Variants in GDAP2 observed in about 807,000 individuals in gnomAD.
GDAP2 encodes the protein ganglioside-induced differentiation-associated protein 2.
In GDAP2, 51 loss-of-function variants were observed where a neutral mutation model predicts 67.0. That is an observed-to-expected ratio of 0.76 (90% CI 0.61 to 0.96). The LOEUF (loss-of-function observed/expected upper bound fraction) is 0.96, where lower values mean the gene tolerates loss of function less well. Among genes scored for constraint, GDAP2 ranks in the 40% least tolerant of loss-of-function variants. GDAP2 has a pLI of 0.00. For missense variants in GDAP2, 547 were observed against 588.3 expected, an observed-to-expected ratio of 0.93 and a Z score of 0.73; for synonymous variants, 203 against 207.3, an observed-to-expected ratio of 0.98 and a Z score of 0.18.
chr1:117,897,290 T>C (rs570483347), intron 7 of GDAP2, among the ~76,000 whole-genome samples: 2 of 152,274 alleles, frequency 1.3e-5, no homozygotes, highest in African/African-American at 2.4e-5. Flanking sequence ...AGTAAATAGA[T>C]TGTATCTGGC....
intron 13 of GDAP2, among the ~76,000 whole-genome samples, chr1:117,875,408 G>A (rs1241911356): frequency 6.6e-6 from 1 of 152,230 alleles, no homozygotes; most frequent in Non-Finnish European, 1.5e-5. Flanking sequence ...ATGCAAGAGT[G>A]GTGGAGGCTT....
intron 13 of GDAP2, among the ~76,000 whole-genome samples, chr1:117,875,866 C>A (rs11590576): frequency 0.072 from 10,948 of 152,224 alleles, 512 homozygotes; most frequent in Middle Eastern, 0.11. Flanking sequence ...GCCTGTACAA[C>A]CATTATATCT....
At position 117,887,779 on chromosome 1, in the gene GDAP2, G is replaced by A. The variant is rs1431442856; in HGVS notation, c.954-5C>T. On this transcript the variant is annotated splice_region_variant and splice_polypyrimidine_tract_variant and intron_variant, in intron 8 of 13. Coordinates refer to ENST00000369443, the MANE Select transcript of GDAP2 (RefSeq NM_017686.4). ...TGACATAACCAGCGATTATAACTAG[G>A]GAAATAAATGATATAATCATTATAA... 4 of 1,455,490 alleles carry A rather than the reference G, an allele frequency of 2.7e-6. No individual in the cohort carries two copies. Among genetic ancestry groups the A allele is most frequent in the Middle Eastern group, 1.9e-4 (1 of 5,220 alleles). The allele number at this position is 1,455,490 out of a possible 1,614,324, so 90.2% of individuals were successfully genotyped here.
chr1:117,865,594 T>C lies in GDAP2; in HGVS notation c.*4975A>G, dbSNP rs1456274978. The C allele has an allele frequency of 6.6e-6, 1 of 151,708 alleles. No individual in the cohort carries two copies. The highest frequency in any genetic ancestry group is 1.5e-5 in the Non-Finnish European group (1 of 67,846). 9.4% of individuals were successfully genotyped at this position (151,708 alleles called of 1,614,324 possible). ...GTGTGCTTACGTTAACGAAACACAT[T>C]ACAAAAAAAAAAGGTATGACTGTGT... is the stretch of plus-strand genomic sequence containing the variant. On this transcript the variant is annotated 3_prime_UTR_variant, in exon 14 of 14. Transcript: ENST00000369443.
rs560679476 is a variant in GDAP2 at position 117,870,429 on chromosome 1, C to T, written c.*140G>A. On this transcript the variant is annotated 3_prime_UTR_variant, in exon 14 of 14. Transcript: ENST00000369443. Reference sequence around the variant, plus strand: ...GATTGCTTATGTGCCAGAAAATATACAGTCAATAAAAAAATACCAGAGAGG... The same window carrying T: ...GATTGCTTATGTGCCAGAAAATATATAGTCAATAAAAAAATACCAGAGAGG... 14 of 664,834 alleles carry T rather than the reference C, an allele frequency of 2.1e-5. No individual in the cohort carries two copies. The African/African-American group carries it at 2.6e-4, about 12-fold the overall frequency. 41.2% of individuals were successfully genotyped at this position (664,834 alleles called of 1,614,324 possible).
chr1:117,906,436 A>T, intron 6 of GDAP2, 70 bp downstream of exon 6: 1 of 790,772 alleles, frequency 1.3e-6, no homozygotes, highest in Non-Finnish European at 2.1e-6. Context: ...GTAAATATGT[A>T]GTGACAAGCC....
chr1:117,879,492 T>C (rs1648578857), intron 12 of GDAP2, among the ~76,000 whole-genome samples: 2 of 152,158 alleles, frequency 1.3e-5, no homozygotes, highest in South Asian at 4.1e-4. Context: ...ATGATGATGA[T>C]GATAATGACA....
At chr1:117,876,354 A>G (rs768214946) in intron 13 of GDAP2, among the ~76,000 whole-genome samples, 31 of 152,146 alleles carry the variant, frequency 2.0e-4, no homozygotes, top group Non-Finnish European at 4.1e-4. Flanking sequence ...GAGTGGAAGC[A>G]GCCTGAGTCC....
rs1648038110 is a variant in GDAP2 at position 117,865,862 on chromosome 1, A to G, written c.*4707T>C. On this transcript the variant is annotated 3_prime_UTR_variant, in exon 14 of 14. Coordinates refer to ENST00000369443, the MANE Select transcript of GDAP2 (RefSeq NM_017686.4). ...AAATGATCTTGATACCATCTGTTTA[A>G]GGACTAGTTCAGTAAGACTCAAAGA... 1 of 152,240 alleles carries G rather than the reference A, an allele frequency of 6.6e-6. No individual in the cohort carries two copies. Among genetic ancestry groups the G allele is most frequent in the Admixed American group, 6.5e-5 (1 of 15,280 alleles). The allele number at this position is 152,240 out of a possible 1,614,324, so 9.4% of individuals were successfully genotyped here. A position where few individuals can be genotyped will look rare whatever the true frequency, so the allele number is the denominator to read the frequency against.
chr1:117,926,429 T>C (rs1650448685), intron 1 of GDAP2, among the ~76,000 whole-genome samples: 1 of 152,234 alleles, frequency 6.6e-6, no homozygotes, highest in Admixed American at 6.5e-5. Context: ...CACAAGATAT[T>C]GGATGTTAAA....
intron 1 of GDAP2, among the ~76,000 whole-genome samples, chr1:117,927,118 C>A (rs957265842): frequency 2.0e-5 from 3 of 152,058 alleles, no homozygotes; most frequent in African/African-American, 7.2e-5. Context: ...ATATGATCTT[C>A]AGTACTTTAG....
At chr1:117,880,365 T>C (rs74113075) in intron 12 of GDAP2, among the ~76,000 whole-genome samples, 3,705 of 152,188 alleles carry the variant, frequency 0.024, 149 homozygotes, top group African/African-American at 0.083. Context: ...GAGAGAAAAG[T>C]GTCTATTAGA....
rs569193451 is a variant in GDAP2 at position 117,899,049 on chromosome 1, G to C, written c.796+8C>G. On this transcript the variant is annotated splice_region_variant and intron_variant, in intron 7 of 13. Transcript: ENST00000369443. ...GGAGATTTAAAAAGTTAGAGCTCTAGAACTCACCTTCTGGAGCACCAGGTT... is the reference window on the plus strand; with the variant it reads ...GGAGATTTAAAAAGTTAGAGCTCTACAACTCACCTTCTGGAGCACCAGGTT... The C allele has an allele frequency of 6.2e-6, 10 of 1,610,798 alleles. No individual in the cohort carries two copies. Among genetic ancestry groups the C allele is most frequent in the Non-Finnish European group, 8.5e-6 (10 of 1,177,132 alleles).
At position 117,868,341 on chromosome 1, in the gene GDAP2, T is replaced by C. The variant is rs914215127; in HGVS notation, c.*2228A>G. 1 of 152,178 alleles carries C rather than the reference T, an allele frequency of 6.6e-6. No individual in the cohort carries two copies. The highest frequency in any genetic ancestry group is 1.9e-4 in the East Asian group (1 of 5,192). The allele number at this position is 152,178 out of a possible 1,614,324, so 9.4% of individuals were successfully genotyped here. A position where few individuals can be genotyped will look rare whatever the true frequency, so the allele number is the denominator to read the frequency against. On this transcript the variant is annotated 3_prime_UTR_variant, in exon 14 of 14. Transcript: ENST00000369443. ...TCTTTCTTTAGTCATCATTGAATTA[T>C]AAAACACAGTTGATATGTATATAGT...
intron 13 of GDAP2, chr1:117,877,436 T>C (rs1263235327): frequency 1.0e-6 from 1 of 974,666 alleles, no homozygotes; most frequent in Non-Finnish European, 1.2e-6. Context: ...ATATCATGAA[T>C]AAACACAATA....
intron 2 of GDAP2, among the ~76,000 whole-genome samples, chr1:117,919,550 T>G (rs919325040): frequency 6.6e-6 from 1 of 151,790 alleles, no homozygotes; most frequent in Admixed American, 6.6e-5. Context: ...CCAGAGGGAT[T>G]AAGGAAAAAT....
intron 12 of GDAP2, among the ~76,000 whole-genome samples, chr1:117,879,833 A>G (rs1442247600): frequency 1.3e-5 from 2 of 152,110 alleles, no homozygotes; most frequent in African/African-American, 2.4e-5. Context: ...TAAAAAAGGT[A>G]TAGAATTAAA....
chr1:117,922,214 A>C (rs542763682), intron 1 of GDAP2, among the ~76,000 whole-genome samples: 57 of 152,330 alleles, frequency 3.7e-4, no homozygotes, highest in African/African-American at 1.3e-3. Context: ...AAAGCTATGG[A>C]AACTGGACAA....
In GDAP2 at chr1:117,912,473, A is replaced by C. The variant is rs575787556; in HGVS notation, c.470+57T>G. On this transcript the variant is annotated intron_variant, in intron 4 of 13. Coordinates refer to ENST00000369443, the MANE Select transcript of GDAP2 (RefSeq NM_017686.4). Reference sequence around the variant, plus strand: ...AAAAACTGGGGCCTTTATCTTTAAAAACTGGGGCCTTTAACAATGTATGAT... The same window carrying C: ...AAAAACTGGGGCCTTTATCTTTAAACACTGGGGCCTTTAACAATGTATGAT... 4 of 1,451,766 alleles carry C rather than the reference A, an allele frequency of 2.8e-6. No individual in the cohort carries two copies. In the South Asian group the frequency reaches 3.9e-5, roughly 14 times the overall value. The allele number at this position is 1,451,766 out of a possible 1,614,324, so 89.9% of individuals were successfully genotyped here.
Sources: allele counts gnomAD v4.1 joint callset (sites outside exome capture counted in the v4.1 genomes callset), GRCh38; gene constraint gnomAD v4.1.1; transcripts MANE v1.5; gene names NCBI Gene and HGNC (gene_info 2026-07-23, HGNC 2026-07-21).